XRCC4: variants seen among roughly 807,000 people sequenced by gnomAD.
XRCC4 encodes X-ray repair cross complementing 4.
XRCC4 carries 28 observed loss-of-function variants against 39.1 expected under a neutral mutation model. The ratio of observed to expected loss-of-function variants is 0.72; its 90% confidence interval spans 0.53 to 0.98. The LOEUF is 0.98. Ranked by LOEUF, XRCC4 falls within the 50% of genes least tolerant of loss-of-function variation. The pLI is 0.00. For synonymous variants in XRCC4, 123 were observed against 126.4 expected, an observed-to-expected ratio of 0.97 and a Z score of 0.18; for missense variants, 350 against 376.4, an observed-to-expected ratio of 0.93 and a Z score of 0.58.
intron 7 of XRCC4, among the ~76,000 whole-genome samples, chr5:83,334,195 T>C (rs933798123): frequency 1.1e-4 from 17 of 152,196 alleles, no homozygotes; most frequent in African/African-American, 4.1e-4. Flanking sequence ...CATATCAAAA[T>C]AGAACTTTCA....
At chr5:83,339,926 G>T (rs547718982) in intron 7 of XRCC4, among the ~76,000 whole-genome samples, 1 of 152,264 alleles carries the variant, frequency 6.6e-6, no homozygotes, top group East Asian at 1.9e-4. Flanking sequence ...TTGATTGTTT[G>T]CTCACTTTAA....
At chr5:83,240,815 G>T (rs1002333500) in intron 6 of XRCC4, among the ~76,000 whole-genome samples, 1 of 152,180 alleles carries the variant, frequency 6.6e-6, no homozygotes, top group Non-Finnish European at 1.5e-5. Flanking sequence ...GAAGAAGAAA[G>T]ATTGTATTTG....
Position 83,111,112 on chromosome 5 carries a change from T to C in XRCC4, c.224T>C (p.Leu75Ser), listed in dbSNP as rs61762970. ...GTTGGTGAACTGAGAAAAGCATTGT[T>C]GTCAGGAGCAGGACCAGCTGATGTA... ...KYVGELRKALLSGAGPADVYT... is the reference protein window; with the variant it reads ...KYVGELRKALSSGAGPADVYT... Residue 75 changes from leucine (L) to serine (S), a missense_variant, in exon 3 of 8, where the codon TTG becomes TCG. By Grantham distance (145) the Leu-to-Ser change is moderately radical. Coordinates refer to ENST00000396027, the MANE Select transcript of XRCC4 (RefSeq NM_003401.5). 3,458 of 1,611,976 alleles carry C rather than the reference T, an allele frequency of 2.1e-3. 7 individuals carry two copies. Among genetic ancestry groups the C allele is most frequent in the Non-Finnish European group, 2.6e-3 (3,062 of 1,179,004 alleles).
intron 7 of XRCC4, among the ~76,000 whole-genome samples, chr5:83,271,047 A>G: frequency 6.6e-6 from 1 of 152,156 alleles, no homozygotes; most frequent in East Asian, 1.9e-4. Flanking sequence ...ACTAAAATGC[A>G]TTCCTGGATT....
chr5:83,165,630 C>T (rs938491737), intron 3 of XRCC4, among the ~76,000 whole-genome samples: 6 of 152,126 alleles, frequency 3.9e-5, no homozygotes, highest in African/African-American at 1.4e-4. Flanking sequence ...CCCTCTCCCA[C>T]CGTCTACCTT....
At chr5:83,253,238 T>C (rs1753394842) in intron 6 of XRCC4, among the ~76,000 whole-genome samples, 1 of 152,160 alleles carries the variant, frequency 6.6e-6, no homozygotes, top group Non-Finnish European at 1.5e-5. Context: ...TTGTGGGAGA[T>C]GTGGTTACAA....
intron 6 of XRCC4, among the ~76,000 whole-genome samples, chr5:83,220,570 A>C (rs747916846): frequency 1.3e-5 from 2 of 152,184 alleles, no homozygotes; most frequent in Non-Finnish European, 2.9e-5. Context: ...GGATATCAGC[A>C]GGCTCTCTAA....
intron 7 of XRCC4, among the ~76,000 whole-genome samples, chr5:83,315,090 T>A (rs1755834386): frequency 1.3e-5 from 2 of 152,182 alleles, no homozygotes; most frequent in Non-Finnish European, 2.9e-5. Context: ...TTAAAAGTGC[T>A]ACTTCAGTGA....
intron 3 of XRCC4, among the ~76,000 whole-genome samples, chr5:83,180,722 A>G (rs1750166133): frequency 6.6e-6 from 1 of 152,132 alleles, no homozygotes; most frequent in Admixed American, 6.6e-5. Flanking sequence ...TTGGCTGGAC[A>G]CCATTAGCTT....
intron 3 of XRCC4, among the ~76,000 whole-genome samples, chr5:83,133,625 G>T (rs1317639026): frequency 5.3e-5 from 8 of 152,186 alleles, no homozygotes. Flanking sequence ...CCCCCTTGCA[G>T]TTTGATCTCA....
intron 7 of XRCC4, chr5:83,258,932 C>A (rs1753654700): frequency 7.9e-6 from 3 of 380,858 alleles, no homozygotes; most frequent in African/African-American, 4.4e-5. Context: ...TTAGAAATGG[C>A]ATGTAGGATA....
chr5:83,278,525 C>A (rs1754415018), intron 7 of XRCC4, among the ~76,000 whole-genome samples: 1 of 152,104 alleles, frequency 6.6e-6, no homozygotes, highest in Non-Finnish European at 1.5e-5. Flanking sequence ...CATGCTGCAT[C>A]TTCACAAGGT....
chr5:83,235,318 G>C (rs1456942405), intron 6 of XRCC4, among the ~76,000 whole-genome samples: 2 of 108,738 alleles, frequency 1.8e-5, no homozygotes, highest in Non-Finnish European at 3.4e-5. Context: ...CTGGGTGACA[G>C]ATCAAGACCC....
chr5:83,078,907 A>C (rs1238021970), intron 1 of XRCC4, among the ~76,000 whole-genome samples: 4 of 152,238 alleles, frequency 2.6e-5, no homozygotes, highest in African/African-American at 9.6e-5. Context: ...TATACCTTTT[A>C]GGTCTTGCCA....
At chr5:83,112,324 T>G (rs1417943901) in intron 3 of XRCC4, among the ~76,000 whole-genome samples, 1 of 152,242 alleles carries the variant, frequency 6.6e-6, no homozygotes, top group Non-Finnish European at 1.5e-5. Flanking sequence ...GTTACAGAAG[T>G]GCAGACTCTT....
chr5:83,226,160 C>T (rs1053428172), intron 6 of XRCC4, among the ~76,000 whole-genome samples: 1 of 152,026 alleles, frequency 6.6e-6, no homozygotes, highest in Admixed American at 6.6e-5. Flanking sequence ...TGCTAGTTCC[C>T]TCTGCTTTTG....
At chr5:83,109,320 GAT>G (rs1196187550) in intron 2 of XRCC4, among the ~76,000 whole-genome samples, 1 of 151,874 alleles carries the variant, frequency 6.6e-6, no homozygotes, top group Non-Finnish European at 1.5e-5. Context: ...CATGCAGAGA[GAT>G]ATGAGTATTA....
At chr5:83,301,808 T>TC (rs1406999101) in intron 7 of XRCC4, among the ~76,000 whole-genome samples, 1 of 152,164 alleles carries the variant, frequency 6.6e-6, no homozygotes, top group Admixed American at 6.6e-5. Flanking sequence ...GGCCAGTTTT[T>TC]CCAACACCAT....
At chr5:83,308,875 C>T (rs1470758981) in intron 7 of XRCC4, among the ~76,000 whole-genome samples, 1 of 152,016 alleles carries the variant, frequency 6.6e-6, no homozygotes, top group Non-Finnish European at 1.5e-5. Context: ...ATCCAAATAT[C>T]CAAATTCCAT....
Sources: allele counts gnomAD v4.1 joint callset (sites outside exome capture counted in the v4.1 genomes callset), GRCh38; gene constraint gnomAD v4.1.1; transcripts MANE v1.5; gene names NCBI Gene and HGNC (gene_info 2026-07-23, HGNC 2026-07-21).